SPRED2: variants seen among roughly 807,000 people sequenced by gnomAD.
SPRED2 encodes the protein sprouty-related, EVH1 domain-containing protein 2.
SPRED2 carries 47 observed loss-of-function variants against 43.0 expected under a neutral mutation model. That is an observed-to-expected ratio of 1.09 (90% CI 0.87 to 1.40). The LOEUF is 1.40. SPRED2 is among the 40% of genes most tolerant of loss of function. The pLI is 0.00. For synonymous variants in SPRED2, 225 were observed against 225.7 expected (o/e 1.00, Z 0.03); for missense variants, 561 against 586.4 (o/e 0.96, Z 0.45).
At chr2:65,384,913 C>T (rs1675456761) in intron 1 of SPRED2, among the ~76,000 whole-genome samples, 1 of 152,050 alleles carries the variant, frequency 6.6e-6, no homozygotes, top group Non-Finnish European at 1.5e-5. Context: ...AAACTTGACA[C>T]ACAGTAGATC....
In SPRED2 at chr2:65,313,634, C is replaced by T. The variant is rs1477087340; in HGVS notation, c.1124G>A (p.Cys375Tyr). ...CSCDTSDEKFCLRWMALIALS... is the reference protein window; with the variant it reads ...CSCDTSDEKFYLRWMALIALS... ...GGCAATAAGAGCCATCCACCGGAGGCAAAACTTCTCGTCGCTAGTATCGCA... is the reference window on the plus strand; with the variant it reads ...GGCAATAAGAGCCATCCACCGGAGGTAAAACTTCTCGTCGCTAGTATCGCA... Residue 375 changes from cysteine to tyrosine, a missense_variant, in exon 6 of 6, where the codon TGC becomes TAC. By Grantham distance (194) the Cys-to-Tyr change is radical. This residue lies in a region of SPRED2 where 65 missense variants were observed against 60.2 expected (regional missense o/e 1.08). Coordinates refer to ENST00000356388, the MANE Select transcript of SPRED2 (RefSeq NM_181784.3). 4 of 1,614,188 alleles carry T rather than the reference C, an allele frequency of 2.5e-6. No homozygotes were observed. In the South Asian group the frequency reaches 4.4e-5, roughly 18 times the overall value.
intron 2 of SPRED2, among the ~76,000 whole-genome samples, chr2:65,340,472 G>C (rs1674144932): frequency 1.3e-5 from 2 of 152,242 alleles, no homozygotes; most frequent in Admixed American, 6.5e-5. Flanking sequence ...CATGGGCAAT[G>C]ACTGGAATGA....
intron 4 of SPRED2, among the ~76,000 whole-genome samples, chr2:65,318,198 GCTCCTTCTTGC>G (rs1279186605): frequency 6.6e-6 from 1 of 152,292 alleles, no homozygotes; most frequent in African/African-American, 2.4e-5. Context: ...GATGTGACTT[GCTCCTTCTTGC>G]CTTCCGCCAT....
chr2:65,329,494 T>C (rs548842682), intron 4 of SPRED2, among the ~76,000 whole-genome samples: 168 of 152,350 alleles, frequency 1.1e-3, no homozygotes, highest in African/African-American at 4.0e-3. Flanking sequence ...AGTGGTGCTC[T>C]TTCTGCAGTG....
chr2:65,403,332 G>A (rs1213143369), intron 1 of SPRED2, among the ~76,000 whole-genome samples: 1 of 152,206 alleles, frequency 6.6e-6, no homozygotes, highest in Non-Finnish European at 1.5e-5. Context: ...GTGCAGTGGT[G>A]CATGCATCAA....
At chr2:65,362,549 C>T (rs112237830) in intron 1 of SPRED2, among the ~76,000 whole-genome samples, 7,806 of 152,068 alleles carry the variant, frequency 0.051, 298 homozygotes, top group Middle Eastern at 0.15. Context: ...GGATTACAGG[C>T]GTAAGCCACT....
Position 65,432,150 on chromosome 2 carries a change from C to G in SPRED2, c.-163G>C. ...CCGCAGCAGAAGGGGAAGCAGGGCGCGGGATAGGGTTTGGGGGAAGGGGTG... is the reference window on the plus strand; with the variant it reads ...CCGCAGCAGAAGGGGAAGCAGGGCGGGGGATAGGGTTTGGGGGAAGGGGTG... On this transcript the variant is annotated 5_prime_UTR_variant, in exon 1 of 6. Coordinates refer to ENST00000356388, the MANE Select transcript of SPRED2 (RefSeq NM_181784.3). The G allele has an allele frequency of 1.2e-6, 1 of 856,778 alleles. No individual in the cohort carries two copies. Among genetic ancestry groups the G allele is most frequent in the East Asian group, 2.7e-5 (1 of 37,246 alleles). The allele number at this position is 856,778 out of a possible 1,614,324, so 53.1% of individuals were successfully genotyped here.
At chr2:65,368,233 A>G (rs1675034509) in intron 1 of SPRED2, among the ~76,000 whole-genome samples, 2 of 152,306 alleles carry the variant, frequency 1.3e-5, no homozygotes, top group South Asian at 4.1e-4. Flanking sequence ...TAGGACTTCA[A>G]ACTGGCTCCA....
At chr2:65,320,670 TC>T (rs1323021247) in intron 4 of SPRED2, among the ~76,000 whole-genome samples, 10 of 152,198 alleles carry the variant, frequency 6.6e-5, no homozygotes, top group African/African-American at 2.4e-4. Flanking sequence ...TTCAGGGTTG[TC>T]TGAACTCCCA....
chr2:65,309,177 A>G (rs893186218), downstream of SPRED2, among the ~76,000 whole-genome samples: 2 of 151,066 alleles, frequency 1.3e-5, no homozygotes, highest in Non-Finnish European at 3.0e-5. Flanking sequence ...AAAAATCATT[A>G]AAGTGTTTTA....
intron 1 of SPRED2, among the ~76,000 whole-genome samples, chr2:65,420,306 A>G (rs1409979726): frequency 1.3e-5 from 2 of 151,252 alleles, no homozygotes; most frequent in Admixed American, 6.6e-5. Context: ...CATTGTACCC[A>G]CCTCCGTGTT....
chr2:65,344,703 GTA>G lies in SPRED2; in HGVS notation c.204+14_204+15del, dbSNP rs751483057. 8 of 1,613,104 alleles carry G rather than the reference GTA, an allele frequency of 5.0e-6. No individual in the cohort carries two copies. In the South Asian group the frequency reaches 7.7e-5, roughly 16 times the overall value. ...TTGTTACTAATTTAACCCACGAGTTGTATGTCTGCCATTACCAGTTTGTCTTT... is the reference window on the plus strand; with the variant it reads ...TTGTTACTAATTTAACCCACGAGTTGTGTCTGCCATTACCAGTTTGTCTTT... On this transcript the variant is annotated intron_variant, in intron 2 of 5. Coordinates refer to ENST00000356388, the MANE Select transcript of SPRED2 (RefSeq NM_181784.3).
At chr2:65,429,799 T>G (rs1676635907) in intron 1 of SPRED2, among the ~76,000 whole-genome samples, 1 of 152,216 alleles carries the variant, frequency 6.6e-6, no homozygotes, top group Non-Finnish European at 1.5e-5. Flanking sequence ...TAAGTGAAAC[T>G]AGAACTCCTC....
At chr2:65,341,765 C>A (rs1411761572) in intron 2 of SPRED2, among the ~76,000 whole-genome samples, 1 of 152,090 alleles carries the variant, frequency 6.6e-6, no homozygotes, top group African/African-American at 2.4e-5. Flanking sequence ...AGCTAAAGGG[C>A]CACTTTAGGT....
intron 1 of SPRED2, among the ~76,000 whole-genome samples, chr2:65,409,832 A>G (rs907695424): frequency 9.9e-5 from 15 of 150,926 alleles, no homozygotes; most frequent in Admixed American, 9.2e-4. Flanking sequence ...TCAGGAGATC[A>G]AGACCATCCT....
intron 1 of SPRED2, among the ~76,000 whole-genome samples, chr2:65,399,891 T>C (rs1054647184): frequency 1.3e-5 from 2 of 152,078 alleles, no homozygotes; most frequent in African/African-American, 4.8e-5. Context: ...GTGATGGGTG[T>C]ACCAAAATCT....
At chr2:65,349,843 C>T (rs1171231656) in intron 1 of SPRED2, among the ~76,000 whole-genome samples, 1 of 152,230 alleles carries the variant, frequency 6.6e-6, no homozygotes, top group African/African-American at 2.4e-5. Flanking sequence ...GTATAGACTT[C>T]TCTGTGATGG....
At chr2:65,429,923 C>A (rs780695914) in intron 1 of SPRED2, among the ~76,000 whole-genome samples, 3 of 152,154 alleles carry the variant, frequency 2.0e-5, no homozygotes, top group South Asian at 4.1e-4. Context: ...TGATCCCACT[C>A]GAAATCCTTC....
chr2:65,323,793 G>T (rs934617452), intron 4 of SPRED2, among the ~76,000 whole-genome samples: 1 of 152,012 alleles, frequency 6.6e-6, no homozygotes, highest in East Asian at 1.9e-4. Context: ...GGAGAATGGC[G>T]TGAACGTGGG....
Sources: gnomAD v4.1 joint callset for allele counts (sites outside exome capture counted in the v4.1 genomes callset) on GRCh38, gnomAD v4.1.1 for gene constraint, gnomAD v4.1.1 regional missense constraint, MANE v1.5 for transcripts, NCBI Gene and HGNC (gene_info 2026-07-23, HGNC 2026-07-21) for gene names.